Variants in CD244 observed in about 807,000 individuals in gnomAD.
The protein encoded by CD244 is CD244 molecule.
A neutral mutation model predicts 45.5 loss-of-function variants in CD244; 20 were observed. The observed-to-expected ratio is 0.44, with a 90% CI of 0.31 to 0.64. CD244 has a LOEUF of 0.64. Among genes scored for constraint, CD244 ranks in the 30% least tolerant of loss-of-function variants. The pLI is 0.08. For synonymous variants in CD244, 185 were observed against 160.5 expected (o/e 1.15, Z -1.15); for missense variants, 407 against 426.9 (o/e 0.95, Z 0.41).
At chr1:160,848,414 A>G in intron 1 of CD244, 1 of 554,842 alleles carries the variant, frequency 1.8e-6, no homozygotes, top group Non-Finnish European at 3.5e-6. Flanking sequence ...GAAAGGGGGC[A>G]TGAATATTGC....
At chr1:160,840,722 A>G (rs1669510829) in intron 3 of CD244, among the ~76,000 whole-genome samples, 1 of 152,136 alleles carries the variant, frequency 6.6e-6, no homozygotes, top group Non-Finnish European at 1.5e-5. Context: ...TGGAACGGTA[A>G]CTCAGGTAAC....
Position 160,862,855 on chromosome 1 carries a change from C to T in CD244, c.-178G>A. The stretch of plus-strand genomic sequence containing the variant: ...AACGCCTGCTGTGAGCTGACAAGGC[C>T]ACTGAGAAAGCCCCAGCGCCTGGAG... On this transcript the variant is annotated 5_prime_UTR_variant, in exon 1 of 9. Transcript: ENST00000368034. 1.9e-6 allele frequency: 1 copy of T among 520,356 alleles called. No homozygotes were observed. Among genetic ancestry groups the T allele is most frequent in the East Asian group, 3.1e-5 (1 of 32,786 alleles). The allele number at this position is 520,356 out of a possible 1,614,324, so 32.2% of individuals were successfully genotyped here.
intron 1 of CD244, among the ~76,000 whole-genome samples, chr1:160,843,941 A>C (rs1669633496): frequency 1.3e-5 from 2 of 152,328 alleles, no homozygotes; most frequent in Middle Eastern, 3.4e-3. Flanking sequence ...TCCTATTAGA[A>C]AGCGGGTATA....
At chr1:160,859,102 G>A (rs1425846592) in intron 1 of CD244, among the ~76,000 whole-genome samples, 1 of 152,198 alleles carries the variant, frequency 6.6e-6, no homozygotes, top group Non-Finnish European at 1.5e-5. Flanking sequence ...CAGAATGGCA[G>A]GCTGACATTT....
chr1:160,845,702 A>C (rs1275404908), intron 1 of CD244, among the ~76,000 whole-genome samples: 1 of 152,102 alleles, frequency 6.6e-6, no homozygotes, highest in Non-Finnish European at 1.5e-5. Flanking sequence ...CTAAAAATGC[A>C]AAAATTAGCC....
chr1:160,847,378 C>A (rs1669773507), intron 1 of CD244, among the ~76,000 whole-genome samples: 1 of 151,988 alleles, frequency 6.6e-6, no homozygotes, highest in Non-Finnish European at 1.5e-5. Context: ...AAACAATTCT[C>A]CTAACAATTG....
chr1:160,844,234 A>T (rs1669646796), intron 1 of CD244, among the ~76,000 whole-genome samples: 1 of 152,268 alleles, frequency 6.6e-6, no homozygotes, highest in Non-Finnish European at 1.5e-5. Flanking sequence ...AAAAGGAAAC[A>T]TCTCCAAAAA....
intron 5 of CD244, 41 bp from the exon 6 acceptor site, chr1:160,836,295 C>T (rs373880914): frequency 6.6e-6 from 10 of 1,515,966 alleles, no homozygotes; most frequent in African/African-American, 5.5e-5. Flanking sequence ...AGCGACAGTT[C>T]GGTCTGTCCA....
intron 1 of CD244, among the ~76,000 whole-genome samples, chr1:160,843,511 C>G (rs1011445522): frequency 6.6e-6 from 1 of 152,144 alleles, no homozygotes; most frequent in Non-Finnish European, 1.5e-5. Flanking sequence ...AGAGGCAGGG[C>G]CTCTTCATGT....
chr1:160,861,115 A>T (rs1426677311), intron 1 of CD244, among the ~76,000 whole-genome samples: 3 of 152,306 alleles, frequency 2.0e-5, no homozygotes, highest in Middle Eastern at 3.4e-3. Flanking sequence ...CAATCCCATC[A>T]GTCCTCCTTC....
In CD244 at chr1:160,836,893, G is replaced by A. The variant is rs547941927; in HGVS notation, c.835-639C>T. Among the ~76,000 whole-genome samples, 11 of 152,310 alleles carry A rather than the reference G, an allele frequency of 7.2e-5. No individual in the cohort carries two copies. In the South Asian group the frequency reaches 1.0e-3, roughly 14 times the overall value. On this transcript the variant is annotated intron_variant, in intron 5 of 8. Transcript: ENST00000368034. ...GGAGGCAGCAGGGTTCATTAGGCAA[G>A]GTGCAAGCAAAATTCCTGGAAGCAA...
At chr1:160,855,468 A>G (rs1306189979) in intron 1 of CD244, among the ~76,000 whole-genome samples, 1 of 152,228 alleles carries the variant, frequency 6.6e-6, no homozygotes, top group African/African-American at 2.4e-5. Flanking sequence ...AGATACGGTG[A>G]AAAGGCAAGT....
At chr1:160,847,578 A>C (rs774144092) in intron 1 of CD244, among the ~76,000 whole-genome samples, 1 of 152,216 alleles carries the variant, frequency 6.6e-6, no homozygotes, top group Non-Finnish European at 1.5e-5. Flanking sequence ...TGTTTAAAAC[A>C]TAAGAAACAT....
rs544102941 is a variant in CD244, at chr1:160,855,867, G to C, written c.61+6750C>G. On this transcript the variant is annotated intron_variant, in intron 1 of 8. Coordinates refer to ENST00000368034, the MANE Select transcript of CD244 (RefSeq NM_016382.4). ...CAAGGAGACAAGTACAGAGGATGGT[G>C]AAGGAGACAATCTGATCCAGCAGTG... Among the ~76,000 whole-genome samples, 51 of 152,334 alleles carry C rather than the reference G, an allele frequency of 3.3e-4. 1 individual carries two copies. In the South Asian group the frequency reaches 0.01, roughly 30 times the overall value.
intron 7 of CD244, among the ~76,000 whole-genome samples, chr1:160,832,973 A>T (rs941921000): frequency 1.3e-5 from 2 of 151,134 alleles, no homozygotes; most frequent in Non-Finnish European, 3.0e-5. Flanking sequence ...ACACATACAC[A>T]TACACATACA....
At chr1:160,852,319 G>A (rs895166214) in intron 1 of CD244, among the ~76,000 whole-genome samples, 3 of 152,208 alleles carry the variant, frequency 2.0e-5, no homozygotes, top group African/African-American at 7.2e-5. Flanking sequence ...GGAGGCCGAG[G>A]CGGGTGGATC....
At chr1:160,849,283 C>CTTTTTTTTTTTTTT (rs371170555) in intron 1 of CD244, among the ~76,000 whole-genome samples, 5 of 139,318 alleles carry the variant, frequency 3.6e-5, no homozygotes, top group East Asian at 2.1e-4. Context: ...CCATCTCTTT[C>CTTTTTTTTTTTTTT]TTTTTTTTTT....
chr1:160,861,180 T>G (rs1670289234), intron 1 of CD244, among the ~76,000 whole-genome samples: 1 of 152,164 alleles, frequency 6.6e-6, no homozygotes, highest in African/African-American at 2.4e-5. Context: ...CTAGCTCTCC[T>G]GCCTAGAATC....
At chr1:160,843,300 A>G (rs1669612747) in intron 1 of CD244, among the ~76,000 whole-genome samples, 1 of 152,204 alleles carries the variant, frequency 6.6e-6, no homozygotes, top group Admixed American at 6.5e-5. Context: ...AAAAGCAGAG[A>G]CTGTGCTGTG....
Sources: gnomAD v4.1 joint callset for allele counts (sites outside exome capture counted in the v4.1 genomes callset) on GRCh38, gnomAD v4.1.1 for gene constraint, MANE v1.5 for transcripts, NCBI Gene and HGNC (gene_info 2026-07-23, HGNC 2026-07-21) for gene names.